Variants in ABCA1 observed in about 807,000 individuals in gnomAD.
The protein encoded by ABCA1 is ATP binding cassette subfamily A member 1.
In ABCA1, 133 loss-of-function variants were observed where a neutral mutation model predicts 262.5. The observed-to-expected ratio is 0.51, with a 90% confidence interval of 0.44 to 0.59. The LOEUF (loss-of-function observed/expected upper bound fraction) is 0.59. Among genes scored for constraint, ABCA1 ranks in the 20% least tolerant of loss-of-function variants. ABCA1 has a pLI of 0.00. For missense variants in ABCA1, 2,452 were observed against 2,777.5 expected (o/e 0.88, Z 2.63); for synonymous variants, 1,022 against 1,043.5 (o/e 0.98, Z 0.40).
chr9:104,801,057 C>T (rs921606558), intron 34 of ABCA1, among the ~76,000 whole-genome samples: 16 of 148,884 alleles, frequency 1.1e-4, no homozygotes, highest in African/African-American at 4.0e-4. Context: ...AATGGGAAAC[C>T]TGAGACACAG....
In ABCA1 at chr9:104,787,944, G is replaced by A. The variant is rs141032263; in HGVS notation, c.6180C>T (p.Ile2060=). ...CCAGAAACACCACAGGAGGCCCGCC[G>A]ATCAAAGCCATGGCTGTAGAGAGCT... The part of the protein sequence containing the change: ...KRKLSTAMAL[I]GGPPVVFLDE... The change falls in exon 46 of 50, where the codon ATC becomes ATT. Residue 2060 remains isoleucine (I), a synonymous_variant. Transcript: ENST00000374736. The A allele has an allele frequency of 4.4e-5, 71 of 1,613,992 alleles. No individual in the cohort carries two copies. The highest frequency in any genetic ancestry group is 5.3e-5 in the Non-Finnish European group (63 of 1,180,014).
chr9:104,892,456 A>G lies in ABCA1; in HGVS notation c.67-3261T>C, dbSNP rs1479199427. Among the ~76,000 whole-genome samples, 4 of 152,036 alleles carry G rather than the reference A, an allele frequency of 2.6e-5. No individual in the cohort carries two copies. The East Asian group carries it at 7.7e-4, about 29-fold the overall frequency. On this transcript the variant is annotated intron_variant, in intron 2 of 49. Transcript: ENST00000374736. ...GAAGAAAGCAATTTTCTTTCTGCCA[A>G]AGAACAAAACCATGACTCTATGAAA...
At chr9:104,841,121 T>C (rs1338228126) in intron 8 of ABCA1, among the ~76,000 whole-genome samples, 2 of 152,024 alleles carry the variant, frequency 1.3e-5, no homozygotes, top group Non-Finnish European at 2.9e-5. Context: ...TGTCAGGCAA[T>C]GAAAAAGCAT....
At chr9:104,858,471 A>C (rs1416768059) in intron 7 of ABCA1, 51 bp downstream of exon 7, 2 of 1,580,140 alleles carry the variant, frequency 1.3e-6, no homozygotes, top group Non-Finnish European at 1.7e-6. Flanking sequence ...AAAGCCTCAC[A>C]TTCCGAAAGC....
At chr9:104,868,489 G>T (rs1204901508) in intron 5 of ABCA1, among the ~76,000 whole-genome samples, 2 of 152,246 alleles carry the variant, frequency 1.3e-5, no homozygotes, top group South Asian at 2.1e-4. Context: ...TAACTGGAAG[G>T]TATGACCTCT....
At position 104,825,816 on chromosome 9, in the gene ABCA1, T is replaced by G. The variant is rs1832765785; in HGVS notation, c.2409A>C (p.Gly803=). 2.5e-6 allele frequency: 4 copies of G among 1,614,108 alleles called. No individual in the cohort carries two copies. The highest frequency in any genetic ancestry group is 3.4e-6 in the Non-Finnish European group (4 of 1,180,024). ...YFALFEEQGI[G]VQWDNLFESP... Reference sequence around the variant, plus strand: ...TCTCAAACAGGTTGTCCCACTGCACTCCAATGCCCTGCTCCTCAAAAAGGG... The same window carrying G: ...TCTCAAACAGGTTGTCCCACTGCACGCCAATGCCCTGCTCCTCAAAAAGGG... The change falls in exon 17 of 50, where the codon GGA becomes GGC. Residue 803 remains glycine (G), a synonymous_variant. Transcript: ENST00000374736.
intron 9 of ABCA1, among the ~76,000 whole-genome samples, chr9:104,839,231 T>A (rs6479282): frequency 1.3e-5 from 2 of 152,160 alleles, no homozygotes; most frequent in East Asian, 3.9e-4. Flanking sequence ...TCTTTAACAC[T>A]GCCTTGCAGC....
chr9:104,810,358 AC>A (rs1281682535), intron 29 of ABCA1, among the ~76,000 whole-genome samples: 1 of 151,964 alleles, frequency 6.6e-6, no homozygotes, highest in Non-Finnish European at 1.5e-5. Context: ...ACACTACCTA[AC>A]ATCCCAAATA....
intron 18 of ABCA1, among the ~76,000 whole-genome samples, chr9:104,823,723 G>A (rs902879413): frequency 6.6e-5 from 10 of 152,146 alleles, no homozygotes; most frequent in Admixed American, 3.3e-4. Context: ...AGGTGTGGAA[G>A]AACATGACAT....
At chr9:104,821,898 G>A (rs1832388951) in intron 19 of ABCA1, among the ~76,000 whole-genome samples, 2 of 152,090 alleles carry the variant, frequency 1.3e-5, no homozygotes, top group Non-Finnish European at 2.9e-5. Flanking sequence ...AAAATCTTCT[G>A]AAAAGCTCAT....
intron 7 of ABCA1, among the ~76,000 whole-genome samples, chr9:104,849,166 C>T (rs930345913): frequency 6.6e-6 from 1 of 152,206 alleles, no homozygotes; most frequent in Non-Finnish European, 1.5e-5. Context: ...TTCTCCTTCT[C>T]TTAAAAGCCC....
At position 104,840,556 on chromosome 9, in the gene ABCA1, G is replaced by T. The variant is rs1197511228; in HGVS notation, c.814-37C>A. On this transcript the variant is annotated intron_variant, in intron 8 of 49. Transcript: ENST00000374736. Reference sequence around the variant, plus strand: ...GATGGGGACAGAAAGGAGGGTAGGGGAAGGGAGAAAAGGGCAGTGCAAGGG... The same window carrying T: ...GATGGGGACAGAAAGGAGGGTAGGGTAAGGGAGAAAAGGGCAGTGCAAGGG... The T allele has an allele frequency of 2.5e-6, 4 of 1,600,566 alleles. 1 individual carries two copies. The South Asian group carries it at 4.4e-5, about 18-fold the overall frequency.
chr9:104,836,857 A>T, intron 11 of ABCA1, 123 bp downstream of exon 11: 1 of 806,246 alleles, frequency 1.2e-6, no homozygotes, highest in Non-Finnish European at 2.1e-6. Context: ...AGCTATGCTC[A>T]CTACATTCCC....
Position 104,840,462 on chromosome 9 carries a change from C to T in ABCA1, c.871G>A (p.Val291Met), listed in dbSNP as rs1296721219. ...MRQEVMFLTN[V>M]NSSSSSTQIY... ...TGGGTGGAGGAGCTGGAGCTGTTCA[C>T]ATTGGTCAGAAACATCACCTCCTGT... Residue 291 changes from valine to methionine, a missense_variant, in exon 9 of 50, where the codon GTG (valine) becomes ATG (methionine). Coordinates refer to ENST00000374736, the MANE Select transcript of ABCA1 (RefSeq NM_005502.4). The T allele has an allele frequency of 6.2e-7, 1 of 1,614,032 alleles. No homozygotes were observed. The highest frequency in any genetic ancestry group is 8.5e-7 in the Non-Finnish European group (1 of 1,180,040).
At position 104,800,735 on chromosome 9, in the gene ABCA1, C is replaced by T. The variant is rs894834313; in HGVS notation, c.4699-151G>A. ...ATTAAATGTGAAGCCATTAAATAAA[C>T]GGCTCCTGAGAACCAAGTGACTAGA... On this transcript the variant is annotated intron_variant, in intron 34 of 49. Coordinates refer to ENST00000374736, the MANE Select transcript of ABCA1 (RefSeq NM_005502.4). 48 of 742,494 alleles carry T rather than the reference C, an allele frequency of 6.5e-5. 1 individual carries two copies. Among genetic ancestry groups the T allele is most frequent in the Admixed American group, 4.0e-4 (20 of 50,106 alleles). The allele number at this position is 742,494 out of a possible 1,614,324, so 46.0% of individuals were successfully genotyped here.
rs575695884 is a variant in ABCA1, at chr9:104,821,086, C to A, written c.2960+289G>T. On this transcript the variant is annotated intron_variant, in intron 20 of 49. Transcript: ENST00000374736. ...GGTGAAACCCCGTCTCTACTAAAAA[C>A]ACAAAAATTAGCTGGGCATGGTGGT... 4.6e-5 allele frequency among the ~76,000 whole-genome samples: 7 copies of A among 151,928 alleles called. No individual in the cohort carries two copies. The East Asian group carries it at 1.4e-3, about 30-fold the overall frequency.
Position 104,840,466 on chromosome 9 carries a change from G to C in ABCA1, c.867C>G (p.Thr289=), listed in dbSNP as rs754644800. 2 of 1,613,984 alleles carry C rather than the reference G, an allele frequency of 1.2e-6. No individual in the cohort carries two copies. Among genetic ancestry groups the C allele is most frequent in the African/African-American group, 1.3e-5 (1 of 74,878 alleles). ...TGGAGGAGCTGGAGCTGTTCACATT[G>C]GTCAGAAACATCACCTCCTGTCGCA... is the stretch of plus-strand genomic sequence containing the variant. ...SDMRQEVMFL[T]NVNSSSSSTQ... Residue 289 remains threonine, a synonymous_variant, in exon 9 of 50, where the codon ACC becomes ACG. Transcript: ENST00000374736.
intron 7 of ABCA1, chr9:104,856,069 T>C (rs1835812192): frequency 1.2e-6 from 2 of 1,602,046 alleles, no homozygotes; most frequent in South Asian, 2.2e-5. Context: ...ATGTGCAATG[T>C]CATCACATGT....
At chr9:104,923,095 C>T (rs149450618) in intron 1 of ABCA1, among the ~76,000 whole-genome samples, 72 of 152,302 alleles carry the variant, frequency 4.7e-4, no homozygotes, top group African/African-American at 1.6e-3. Context: ...GATTTCTAAA[C>T]AGTAACAGCA....
Sources: gnomAD v4.1 joint callset for allele counts (sites outside exome capture counted in the v4.1 genomes callset) on GRCh38, gnomAD v4.1.1 for gene constraint, MANE v1.5 for transcripts, NCBI Gene and HGNC (gene_info 2026-07-23, HGNC 2026-07-21) for gene names.